The following SSBP2 variants were observed in gnomAD, a reference collection of about 807,000 sequenced individuals.
SSBP2 encodes the protein single stranded DNA binding protein 2, also known as single-stranded DNA-binding protein 2.
SSBP2 carries 17 observed loss-of-function variants against 61.8 expected under a neutral mutation model. That is an observed-to-expected ratio of 0.28 (90% CI 0.19 to 0.41). The LOEUF (loss-of-function observed/expected upper bound fraction) is 0.41, where lower values mean the gene tolerates loss of function less well. SSBP2 is among the 10% of genes least tolerant of loss of function. SSBP2 has a pLI of 1.00. For missense variants in SSBP2, 310 were observed against 458.7 expected, an observed-to-expected ratio of 0.68 and a Z score of 2.96; for synonymous variants, 139 against 141.3, an observed-to-expected ratio of 0.98 and a Z score of 0.12.
At chr5:81,740,684 T>G (rs373541999) in intron 1 of SSBP2, among the ~76,000 whole-genome samples, 1 of 152,140 alleles carries the variant, frequency 6.6e-6, no homozygotes, top group African/African-American at 2.4e-5. Flanking sequence ...AAGTTTAAAG[T>G]AACTTATGCC....
intron 4 of SSBP2, among the ~76,000 whole-genome samples, chr5:81,534,597 C>T (rs1021290252): frequency 3.9e-5 from 6 of 151,950 alleles, no homozygotes; most frequent in East Asian, 1.9e-4. Flanking sequence ...TATTACTAGA[C>T]GAGACATGAC....
intron 5 of SSBP2, among the ~76,000 whole-genome samples, chr5:81,502,633 CAATT>C (rs1343089748): frequency 1.3e-5 from 2 of 152,220 alleles, no homozygotes; most frequent in Non-Finnish European, 2.9e-5. Flanking sequence ...AACAAGTTCA[CAATT>C]AAGCTGATAA....
intron 4 of SSBP2, among the ~76,000 whole-genome samples, chr5:81,591,459 C>A (rs1289927562): frequency 1.3e-5 from 2 of 152,080 alleles, no homozygotes; most frequent in Non-Finnish European, 2.9e-5. Context: ...CATATAAACA[C>A]TGATACAACA....
At chr5:81,473,209 T>C (rs942917630) in intron 8 of SSBP2, among the ~76,000 whole-genome samples, 1 of 152,228 alleles carries the variant, frequency 6.6e-6, no homozygotes, top group Non-Finnish European at 1.5e-5. Context: ...TCTAGGTTTC[T>C]GCACTGATTT....
In SSBP2 at chr5:81,638,907, T is replaced by C. The variant is rs149038311; in HGVS notation, c.136-2289A>G. Among the ~76,000 whole-genome samples, 83 of 152,346 alleles carry C rather than the reference T, an allele frequency of 5.4e-4. 2 individuals are homozygous for C. In the East Asian group the frequency reaches 0.015, roughly 28 times the overall value. ...AAATCATTTCAGAATTAGTGCCCTG[T>C]TACACTGAGTTATCATGTATACCAA... On this transcript the variant is annotated intron_variant, in intron 2 of 16. Coordinates refer to ENST00000320672, the MANE Select transcript of SSBP2 (RefSeq NM_012446.5).
intron 1 of SSBP2, among the ~76,000 whole-genome samples, chr5:81,739,796 C>CT (rs1756885082): frequency 6.6e-6 from 1 of 152,044 alleles, no homozygotes; most frequent in East Asian, 1.9e-4. Context: ...TTAAGAAGCC[C>CT]TACTTTCTTA....
At chr5:81,568,302 G>A (rs1406167670) in intron 4 of SSBP2, among the ~76,000 whole-genome samples, 2 of 152,148 alleles carry the variant, frequency 1.3e-5, no homozygotes, top group Admixed American at 1.3e-4. Context: ...AGCCTCAAGA[G>A]ATCTGATGGT....
intron 4 of SSBP2, among the ~76,000 whole-genome samples, chr5:81,528,421 A>T (rs1465800309): frequency 6.6e-6 from 1 of 152,070 alleles, no homozygotes; most frequent in Non-Finnish European, 1.5e-5. Context: ...ATTAAAGTAC[A>T]ATAAATTACA....
chr5:81,422,970 C>T (rs1207699049), intron 16 of SSBP2, among the ~76,000 whole-genome samples: 1 of 152,244 alleles, frequency 6.6e-6, no homozygotes, highest in Non-Finnish European at 1.5e-5. Flanking sequence ...TGACAGCATG[C>T]TTCAACTATC....
rs568440176 is a variant in SSBP2 at position 81,657,147 on chromosome 5, T to C, written c.63-6808A>G. Among the ~76,000 whole-genome samples, 26 of 152,312 alleles carry C rather than the reference T, an allele frequency of 1.7e-4. No individual in the cohort carries two copies. In the East Asian group the frequency reaches 4.6e-3, roughly 27 times the overall value. On this transcript the variant is annotated intron_variant, in intron 1 of 16. Transcript: ENST00000320672. ...TTGATTACTTCCCCTGAGCTTATAT[T>C]TCCTATTTAGAAAGAAATAAACAAG...
chr5:81,466,002 C>T (rs1764867635), intron 9 of SSBP2, among the ~76,000 whole-genome samples: 1 of 151,870 alleles, frequency 6.6e-6, no homozygotes, highest in Non-Finnish European at 1.5e-5. Context: ...AAAAAAAATC[C>T]TGCATAGATG....
intron 16 of SSBP2, among the ~76,000 whole-genome samples, chr5:81,427,199 T>A (rs559647185): frequency 3.3e-5 from 5 of 152,202 alleles, no homozygotes; most frequent in African/African-American, 9.6e-5. Context: ...AATTAATTTG[T>A]CCATAGTTTT....
rs187472778 is a variant in SSBP2 at position 81,613,878 on chromosome 5, A to C, written c.282+1595T>G. The stretch of plus-strand genomic sequence containing the variant: ...GTAAAAAAGGAAAATGAGGTTGTTC[A>C]GATAAATCCCATGTCCTGGGCCCTG... On this transcript the variant is annotated intron_variant, in intron 4 of 16. Transcript: ENST00000320672. 1.6e-3 allele frequency among the ~76,000 whole-genome samples: 245 copies of C among 152,326 alleles called. 6 individuals carry two copies. Among genetic ancestry groups the C allele is most frequent in the Admixed American group, 0.016 (244 of 15,308 alleles).
At chr5:81,714,585 T>C (rs1006735938) in intron 1 of SSBP2, among the ~76,000 whole-genome samples, 2 of 152,254 alleles carry the variant, frequency 1.3e-5, no homozygotes, top group Non-Finnish European at 2.9e-5. Flanking sequence ...TTTTTAATGA[T>C]TGCCATTCTA....
intron 1 of SSBP2, among the ~76,000 whole-genome samples, chr5:81,682,192 T>C (rs1014532772): frequency 6.6e-6 from 1 of 152,192 alleles, no homozygotes; most frequent in Admixed American, 6.5e-5. Flanking sequence ...GCCAGGGGAA[T>C]ACCTTCTAAC....
intron 1 of SSBP2, among the ~76,000 whole-genome samples, chr5:81,685,618 C>A (rs1297388810): frequency 1.3e-5 from 2 of 152,154 alleles, no homozygotes; most frequent in Non-Finnish European, 2.9e-5. Flanking sequence ...GTAGCACCTG[C>A]AGATGGGCTA....
At chr5:81,449,274 A>G (rs1050212363) in intron 10 of SSBP2, among the ~76,000 whole-genome samples, 3 of 152,200 alleles carry the variant, frequency 2.0e-5, no homozygotes, top group African/African-American at 7.2e-5. Context: ...TATGGGTAAC[A>G]AACTCCCTTT....
In SSBP2 at chr5:81,420,500, T is replaced by C. The variant is rs1383336795; in HGVS notation, c.*4A>G. On this transcript the variant is annotated 3_prime_UTR_variant, in exon 17 of 17. Transcript: ENST00000320672. The stretch of plus-strand genomic sequence containing the variant: ...TGGTTTTCATGAGGAGACTTGGTAA[T>C]GGATCACACGCTCATTGTCATGCTA... 1.2e-6 allele frequency: 2 copies of C among 1,613,576 alleles called. No individual in the cohort carries two copies. The highest frequency in any genetic ancestry group is 8.5e-7 in the Non-Finnish European group (1 of 1,179,662).
intron 1 of SSBP2, among the ~76,000 whole-genome samples, chr5:81,741,685 G>A (rs891337587): frequency 6.6e-6 from 1 of 152,114 alleles, no homozygotes; most frequent in African/African-American, 2.4e-5. Context: ...AAATTAGCCT[G>A]TCTTCACAAA....
Sources: gnomAD v4.1 joint callset for allele counts (sites outside exome capture counted in the v4.1 genomes callset) on GRCh38, gnomAD v4.1.1 for gene constraint, MANE v1.5 for transcripts, NCBI Gene and HGNC (gene_info 2026-07-23, HGNC 2026-07-21) for gene names.